The following IL10RB variants were observed in gnomAD, a reference collection of about 807,000 sequenced individuals.
IL10RB encodes the protein interleukin-10 receptor subunit beta.
IL10RB carries 30 observed loss-of-function variants against 38.7 expected under a neutral mutation model. That is an observed-to-expected ratio of 0.78 (90% CI 0.58 to 1.05). IL10RB has a LOEUF of 1.05. IL10RB is among the 50% of genes least tolerant of loss of function. IL10RB has a pLI of 0.00. For synonymous variants in IL10RB, 142 were observed against 145.9 expected (o/e 0.97, Z 0.19); for missense variants, 328 against 397.1 (o/e 0.83, Z 1.48).
chr21:33,286,550 T>C (rs925197638), intron 5 of IL10RB, among the ~76,000 whole-genome samples: 1 of 152,086 alleles, frequency 6.6e-6, no homozygotes, highest in African/African-American at 2.4e-5. Context: ...TATTCAGTAA[T>C]GACTGGAGTT....
chr21:33,296,370 A>G lies in IL10RB; in HGVS notation c.*13A>G. ...GCCCCAAAGCTAGGCTCTGAGAAGG[A>G]AACACACTCGGCTGGGCACAGTGAC... On this transcript the variant is annotated 3_prime_UTR_variant, in exon 7 of 7. Coordinates refer to ENST00000290200, the MANE Select transcript of IL10RB (RefSeq NM_000628.5). 1 of 1,611,952 alleles carries G rather than the reference A, an allele frequency of 6.2e-7. No homozygotes were observed. The highest frequency in any genetic ancestry group is 8.5e-7 in the Non-Finnish European group (1 of 1,179,702).
intron 5 of IL10RB, among the ~76,000 whole-genome samples, chr21:33,283,987 C>T (rs1989326628): frequency 6.6e-6 from 1 of 152,146 alleles, no homozygotes; most frequent in Admixed American, 6.5e-5. Context: ...ATGCGGCATG[C>T]AGTTTGATCA....
downstream of IL10RB, among the ~76,000 whole-genome samples, chr21:33,299,268 G>A (rs1408262420): frequency 6.6e-6 from 1 of 152,092 alleles, no homozygotes; most frequent in African/African-American, 2.4e-5. Context: ...ATGAATCTTG[G>A]GTATTTCCCC....
Position 33,271,771 on chromosome 21 carries a change from A to G in IL10RB, c.173+3254A>G, listed in dbSNP as rs191493812. Reference sequence around the variant, plus strand: ...GTGAAAAAGATGTTATTGCAAAACAACTTTTGAAATACTGCACATGCTGGA... The same window carrying G: ...GTGAAAAAGATGTTATTGCAAAACAGCTTTTGAAATACTGCACATGCTGGA... On this transcript the variant is annotated intron_variant, in intron 2 of 6. Transcript: ENST00000290200. 1.7e-3 allele frequency among the ~76,000 whole-genome samples: 256 copies of G among 152,216 alleles called. 1 individual carries two copies. The highest frequency in any genetic ancestry group is 6.0e-3 in the African/African-American group (251 of 41,530).
At chr21:33,302,757 G>A (rs942234575) in intron 1 of IL10RB, among the ~76,000 whole-genome samples, 5 of 152,162 alleles carry the variant, frequency 3.3e-5, no homozygotes, top group Non-Finnish European at 2.9e-5. Flanking sequence ...AAAGTCGAGG[G>A]GGGGATATTT....
intron 6 of IL10RB, among the ~76,000 whole-genome samples, chr21:33,289,439 C>A (rs1371538476): frequency 0.011 from 1 of 92 alleles, no homozygotes; most frequent in East Asian, 0.071. Context: ...CTCCTTCCTC[C>A]GCTGCCCTGA....
intron 5 of IL10RB, among the ~76,000 whole-genome samples, chr21:33,287,341 G>GGTTT (rs1610997): frequency 0.51 from 76,533 of 150,872 alleles, 20,561 homozygotes; most frequent in African/African-American, 0.69. Flanking sequence ...TTAGTGCAGG[G>GGTTT]GTTTGTTTGT....
chr21:33,276,852 C>G, intron 3 of IL10RB, 99 bp downstream of exon 3: 1 of 929,144 alleles, frequency 1.1e-6, no homozygotes, highest in South Asian at 1.4e-5. Flanking sequence ...TGAGGGCCCA[C>G]AAATGGATGG....
At chr21:33,291,335 G>A (rs1331957182) in intron 6 of IL10RB, among the ~76,000 whole-genome samples, 3 of 151,700 alleles carry the variant, frequency 2.0e-5, no homozygotes, top group Non-Finnish European at 2.9e-5. Context: ...GCATGATTTC[G>A]GCTCAGTGCA....
intron 1 of IL10RB, among the ~76,000 whole-genome samples, chr21:33,307,592 G>A (rs1178555584): frequency 6.6e-6 from 1 of 152,060 alleles, no homozygotes; most frequent in African/African-American, 2.4e-5. Flanking sequence ...TGCATATAGG[G>A]CCCTTTCACG....
chr21:33,279,280 A>G (rs1026263552), intron 3 of IL10RB, among the ~76,000 whole-genome samples: 18 of 152,224 alleles, frequency 1.2e-4, no homozygotes, highest in Admixed American at 9.2e-4. Flanking sequence ...AAACAGCTTT[A>G]GACATTGTTG....
intron 3 of IL10RB, among the ~76,000 whole-genome samples, chr21:33,278,948 T>C (rs8178484): frequency 0.37 from 56,104 of 152,106 alleles, 11,462 homozygotes; most frequent in Non-Finnish European, 0.46. Context: ...CATTCTATAG[T>C]TATTATTGAG....
At chr21:33,282,279 TC>T (rs1156372945) in intron 4 of IL10RB, among the ~76,000 whole-genome samples, 1 of 152,098 alleles carries the variant, frequency 6.6e-6, no homozygotes, top group African/African-American at 2.4e-5. Flanking sequence ...ACACCTGTAA[TC>T]CCAGCACTTT....
chr21:33,304,444 C>T (rs996250789), intron 1 of IL10RB, among the ~76,000 whole-genome samples: 20 of 152,178 alleles, frequency 1.3e-4, no homozygotes, highest in Non-Finnish European at 1.5e-4. Flanking sequence ...GCTGGATTAC[C>T]GCTGATCCAG....
At chr21:33,290,931 A>G (rs769807282) in intron 6 of IL10RB, among the ~76,000 whole-genome samples, 10 of 152,210 alleles carry the variant, frequency 6.6e-5, no homozygotes, top group Admixed American at 2.0e-4. Context: ...TCTCGAGGCC[A>G]GACGTCCAAA....
intron 6 of IL10RB, among the ~76,000 whole-genome samples, chr21:33,290,371 T>C (rs1358694673): frequency 1.3e-5 from 2 of 152,170 alleles, no homozygotes; most frequent in African/African-American, 2.4e-5. Flanking sequence ...TGTAGTCACT[T>C]ATATAACCAC....
At chr21:33,267,502 G>GTTTTTTTTT (rs1555864810) in intron 1 of IL10RB, among the ~76,000 whole-genome samples, 5 of 102,708 alleles carry the variant, frequency 4.9e-5, no homozygotes, top group African/African-American at 1.9e-4. Context: ...TTGTTTGTTT[G>GTTTTTTTTT]TTTTTTTGTT....
intron 2 of IL10RB, among the ~76,000 whole-genome samples, chr21:33,274,340 T>A (rs1283508986): frequency 6.6e-6 from 1 of 152,038 alleles, no homozygotes; most frequent in Non-Finnish European, 1.5e-5. Flanking sequence ...GGCTAATTTT[T>A]GTATTTTTTT....
At chr21:33,280,245 A>G (rs1989256028) in intron 4 of IL10RB, among the ~76,000 whole-genome samples, 2 of 152,228 alleles carry the variant, frequency 1.3e-5, no homozygotes, top group Admixed American at 1.3e-4. Flanking sequence ...GTCCCATGAC[A>G]TCAACCCCTG....
Sources: allele counts gnomAD v4.1 joint callset (sites outside exome capture counted in the v4.1 genomes callset), GRCh38; gene constraint gnomAD v4.1.1; transcripts MANE v1.5; gene names NCBI Gene and HGNC (gene_info 2026-07-23, HGNC 2026-07-21).